GLIS3: variants seen among roughly 807,000 people sequenced by gnomAD.
The protein encoded by GLIS3 is GLIS family zinc finger 3, also known as zinc finger protein GLIS3.
A neutral mutation model predicts 78.6 loss-of-function variants in GLIS3; 53 were observed. The observed-to-expected ratio is 0.67, with a 90% confidence interval of 0.54 to 0.85. The LOEUF (loss-of-function observed/expected upper bound fraction) is 0.85, where lower values mean the gene tolerates loss of function less well. GLIS3 is among the 40% of genes least tolerant of loss of function. The pLI is 0.00. For synonymous variants in GLIS3, 684 were observed against 509.9 expected (o/e 1.34, Z -4.60); for missense variants, 1,703 against 1,231.1 (o/e 1.38, Z -5.74).
chr9:3,885,134 A>C (rs1410116483), intron 7 of GLIS3, among the ~76,000 whole-genome samples: 1 of 152,254 alleles, frequency 6.6e-6, no homozygotes, highest in Non-Finnish European at 1.5e-5. Context: ...TTAGAAAGCA[A>C]ACAGCTGGTA....
At chr9:4,220,662 G>A (rs922934456) in intron 2 of GLIS3, among the ~76,000 whole-genome samples, 1 of 152,060 alleles carries the variant, frequency 6.6e-6, no homozygotes, top group African/African-American at 2.4e-5. Flanking sequence ...GGAGGCTGAG[G>A]CAGTAGGGTT....
chr9:4,378,480 GA>G, the GLIS3 span, among the ~76,000 whole-genome samples: 1 of 151,988 alleles, frequency 6.6e-6, no homozygotes, highest in Admixed American at 6.6e-5. Context: ...GAAGAACCAG[GA>G]AGAGAAGGCC....
At chr9:3,875,883 C>T (rs1358014298) in intron 8 of GLIS3, among the ~76,000 whole-genome samples, 3 of 152,138 alleles carry the variant, frequency 2.0e-5, no homozygotes, top group African/African-American at 7.2e-5. Flanking sequence ...TCTCCATTTC[C>T]CCTTCCATGA....
the GLIS3 span, among the ~76,000 whole-genome samples, chr9:4,465,672 T>G: frequency 1.3e-5 from 2 of 152,230 alleles, no homozygotes; most frequent in Non-Finnish European, 2.9e-5. Context: ...TATTTCATAT[T>G]GCATGCCTGT....
At chr9:4,479,633 G>A in the GLIS3 span, among the ~76,000 whole-genome samples, 2 of 152,098 alleles carry the variant, frequency 1.3e-5, no homozygotes, top group Non-Finnish European at 2.9e-5. Flanking sequence ...AGGGTGGTTA[G>A]GAAATGAAAT....
At chr9:3,871,107 CT>C (rs1437041388) in intron 8 of GLIS3, among the ~76,000 whole-genome samples, 14 of 152,214 alleles carry the variant, frequency 9.2e-5, no homozygotes, top group African/African-American at 3.1e-4. Flanking sequence ...GCAGTCAAAT[CT>C]TTAAGCTCCA....
the GLIS3 span, among the ~76,000 whole-genome samples, chr9:4,379,933 G>A: frequency 4.6e-5 from 7 of 151,696 alleles, no homozygotes; most frequent in Admixed American, 3.3e-4. Flanking sequence ...CAAAAAAAAA[G>A]GAGGTCTGTC....
chr9:4,139,592 C>A (rs1337101912), intron 2 of GLIS3, among the ~76,000 whole-genome samples: 1 of 152,046 alleles, frequency 6.6e-6, no homozygotes, highest in Non-Finnish European at 1.5e-5. Context: ...GGAGGGTAGT[C>A]TAAGCCAGCA....
At chr9:4,318,609 A>G (rs980748714) in intron 2 of GLIS3, among the ~76,000 whole-genome samples, 1 of 152,252 alleles carries the variant, frequency 6.6e-6, no homozygotes, top group Non-Finnish European at 1.5e-5. Context: ...AAAAGAGTCC[A>G]GATGTTCACA....
intron 4 of GLIS3, among the ~76,000 whole-genome samples, chr9:4,097,924 C>T (rs116386646): frequency 7.0e-4 from 106 of 152,222 alleles, no homozygotes; most frequent in African/African-American, 2.4e-3. Context: ...TTTTGTGGGT[C>T]ATTTCTAGGC....
chr9:4,317,281 C>T (rs774232288), intron 2 of GLIS3, among the ~76,000 whole-genome samples: 1 of 152,200 alleles, frequency 6.6e-6, no homozygotes, highest in African/African-American at 2.4e-5. Context: ...CTTAGCACAG[C>T]CTTTCCTTAC....
At chr9:3,933,548 T>A (rs2130783284) in intron 5 of GLIS3, among the ~76,000 whole-genome samples, 1 of 152,302 alleles carries the variant, frequency 6.6e-6, no homozygotes, top group Admixed American at 6.5e-5. Flanking sequence ...CAGGATTAAC[T>A]GTGTTTATAA....
chr9:4,245,061 G>C (rs1488332303), intron 2 of GLIS3, among the ~76,000 whole-genome samples: 1 of 152,106 alleles, frequency 6.6e-6, no homozygotes, highest in African/African-American at 2.4e-5. Context: ...TCAAAAGACT[G>C]GTAAATAAAT....
At chr9:3,898,304 T>TC in intron 7 of GLIS3, 2 of 296,478 alleles carry the variant, frequency 6.7e-6, no homozygotes, top group Non-Finnish European at 1.3e-5. Context: ...GGGGCTTCCT[T>TC]TTAAAACATA....
At chr9:3,867,804 G>C (rs1325946484) in intron 8 of GLIS3, among the ~76,000 whole-genome samples, 2 of 151,876 alleles carry the variant, frequency 1.3e-5, no homozygotes, top group Non-Finnish European at 2.9e-5. Flanking sequence ...GTAAGGAGTG[G>C]ATTTTGGACC....
At chr9:4,394,490 A>G in the GLIS3 span, among the ~76,000 whole-genome samples, 142 of 152,212 alleles carry the variant, frequency 9.3e-4, 1 homozygote, top group African/African-American at 3.3e-3. Context: ...CAGTTCTTGA[A>G]CAACAAGCAC....
At chr9:4,297,257 G>C (rs2130447136) in intron 1 of GLIS3, among the ~76,000 whole-genome samples, 1 of 152,322 alleles carries the variant, frequency 6.6e-6, no homozygotes, top group South Asian at 2.1e-4. Context: ...ACCAGACTTT[G>C]CATTTGTCTT....
intron 2 of GLIS3, among the ~76,000 whole-genome samples, chr9:4,215,298 G>C (rs1820718109): frequency 6.6e-6 from 1 of 151,286 alleles, no homozygotes; most frequent in African/African-American, 2.4e-5. Flanking sequence ...TTGCCTGTGA[G>C]GGGAGAGATG....
At chr9:4,324,499 G>C (rs1229884886) in intron 2 of GLIS3, among the ~76,000 whole-genome samples, 1 of 152,182 alleles carries the variant, frequency 6.6e-6, no homozygotes, top group African/African-American at 2.4e-5. Flanking sequence ...AACTATAAGA[G>C]ACAATACACA....
Sources: allele counts gnomAD v4.1 joint callset (sites outside exome capture counted in the v4.1 genomes callset), GRCh38; gene constraint gnomAD v4.1.1; transcripts MANE v1.5; gene names NCBI Gene and HGNC (gene_info 2026-07-23, HGNC 2026-07-21).